The following FAF1 variants were observed in gnomAD, a reference collection of about 807,000 sequenced individuals.
FAF1 encodes Fas associated factor 1.
A neutral mutation model predicts 92.5 loss-of-function variants in FAF1; 25 were observed. The ratio of observed to expected loss-of-function variants is 0.27; its 90% CI spans 0.20 to 0.38. The LOEUF (loss-of-function observed/expected upper bound fraction) is 0.38. FAF1 is among the 10% of genes least tolerant of loss of function. The pLI is 1.00. For synonymous variants in FAF1, 234 were observed against 273.2 expected (o/e 0.86, Z 1.42); for missense variants, 636 against 793.3 (o/e 0.80, Z 2.38).
At chr1:50,764,360 A>G (rs1282088654) in intron 4 of FAF1, among the ~76,000 whole-genome samples, 1 of 152,176 alleles carries the variant, frequency 6.6e-6, no homozygotes, top group Non-Finnish European at 1.5e-5. Flanking sequence ...AGCGTACTCA[A>G]TCGTGTAGAG....
At chr1:50,820,529 T>C (rs1210410426) in intron 2 of FAF1, among the ~76,000 whole-genome samples, 1 of 152,076 alleles carries the variant, frequency 6.6e-6, no homozygotes, top group Non-Finnish European at 1.5e-5. Context: ...ATCTCCTCTC[T>C]TAGCAAATTT....
intron 8 of FAF1, among the ~76,000 whole-genome samples, chr1:50,644,786 G>A (rs1654509108): frequency 6.6e-6 from 1 of 152,202 alleles, no homozygotes; most frequent in South Asian, 2.1e-4. Context: ...TCCCAAAGCA[G>A]TTATCCCTTC....
At chr1:50,592,241 T>C (rs1189329641) in intron 9 of FAF1, among the ~76,000 whole-genome samples, 1 of 152,186 alleles carries the variant, frequency 6.6e-6, no homozygotes, top group East Asian at 1.9e-4. Context: ...ACCATAGTTA[T>C]AAACTGATGC....
chr1:50,466,732 T>C (rs1383225665), intron 18 of FAF1, among the ~76,000 whole-genome samples: 2 of 152,186 alleles, frequency 1.3e-5, no homozygotes, highest in African/African-American at 4.8e-5. Flanking sequence ...GCCAAGCTCC[T>C]TCGCCTGGTA....
chr1:50,919,892 A>G (rs1644949675), intron 1 of FAF1, among the ~76,000 whole-genome samples: 1 of 152,220 alleles, frequency 6.6e-6, no homozygotes, highest in Non-Finnish European at 1.5e-5. Context: ...AAGAAATGTA[A>G]GAAGTATAGC....
chr1:50,667,809 C>T (rs942672276), intron 7 of FAF1, among the ~76,000 whole-genome samples: 13 of 152,298 alleles, frequency 8.5e-5, no homozygotes, highest in South Asian at 2.1e-4. Context: ...ATTGCTTCTA[C>T]AGCAAGCTTC....
intron 1 of FAF1, among the ~76,000 whole-genome samples, chr1:50,907,052 C>A (rs1644845037): frequency 6.6e-6 from 1 of 152,068 alleles, no homozygotes; most frequent in African/African-American, 2.4e-5. Flanking sequence ...GAGATACGTC[C>A]CATCAACACC....
At chr1:50,707,262 C>A (rs1657713410) in intron 6 of FAF1, among the ~76,000 whole-genome samples, 1 of 150,974 alleles carries the variant, frequency 6.6e-6, no homozygotes, top group South Asian at 2.1e-4. Context: ...TCTTCCATAG[C>A]GTTCACAGGT....
chr1:50,596,064 C>G (rs956210839), intron 9 of FAF1, 57 bp downstream of exon 9: 9 of 1,107,998 alleles, frequency 8.1e-6, no homozygotes, highest in Non-Finnish European at 1.2e-5. Context: ...AAGGGAAGTG[C>G]GCAGGTAGGT....
chr1:50,475,779 T>C, intron 17 of FAF1, 100 bp from the exon 18 acceptor site: 2 of 717,166 alleles, frequency 2.8e-6, no homozygotes, highest in Non-Finnish European at 4.5e-6. Context: ...TTCTAGAAAT[T>C]CATTGAAAAG....
At chr1:50,937,109 G>A (rs1377243240) in intron 1 of FAF1, among the ~76,000 whole-genome samples, 1 of 152,048 alleles carries the variant, frequency 6.6e-6, no homozygotes, top group African/African-American at 2.4e-5. Context: ...AGGGAGGTAT[G>A]CCTTACTCAG....
intron 4 of FAF1, among the ~76,000 whole-genome samples, chr1:50,775,290 G>A (rs910157782): frequency 1.3e-5 from 2 of 151,966 alleles, no homozygotes. Context: ...GCACTACTCT[G>A]TGCCAAACAC....
chr1:50,745,785 T>C (rs1187380529), intron 4 of FAF1, among the ~76,000 whole-genome samples: 3 of 152,062 alleles, frequency 2.0e-5, no homozygotes, highest in African/African-American at 4.8e-5. Flanking sequence ...GAAAACAAAC[T>C]AACAGAGAGA....
intron 1 of FAF1, among the ~76,000 whole-genome samples, chr1:50,901,253 T>A (rs1570117713): frequency 6.6e-6 from 1 of 151,882 alleles, no homozygotes; most frequent in East Asian, 1.9e-4. Flanking sequence ...ACAAAAACCA[T>A]CAAAAGAGAA....
chr1:50,890,066 A>G (rs1049639993), intron 1 of FAF1, among the ~76,000 whole-genome samples: 10 of 152,198 alleles, frequency 6.6e-5, no homozygotes, highest in Non-Finnish European at 4.4e-5. Context: ...GGGTGCATGT[A>G]TATTTAGGAT....
chr1:50,883,652 C>T (rs975428192), intron 1 of FAF1, among the ~76,000 whole-genome samples: 4 of 152,152 alleles, frequency 2.6e-5, no homozygotes, highest in Non-Finnish European at 5.9e-5. Context: ...GAGACCTCTT[C>T]CACACTAAAA....
At chr1:50,485,376 C>T (rs1263950473) in intron 17 of FAF1, among the ~76,000 whole-genome samples, 1 of 151,878 alleles carries the variant, frequency 6.6e-6, no homozygotes. Flanking sequence ...CAAAGAACTA[C>T]CTGAGGCTGG....
chr1:50,524,220 C>T (rs878860596), intron 15 of FAF1, among the ~76,000 whole-genome samples: 1 of 152,124 alleles, frequency 6.6e-6, no homozygotes, highest in Non-Finnish European at 1.5e-5. Context: ...TGTTCGTGCC[C>T]TTTGGCCACT....
intron 1 of FAF1, among the ~76,000 whole-genome samples, chr1:50,910,311 G>A (rs1366344783): frequency 1.3e-5 from 2 of 152,232 alleles, no homozygotes; most frequent in Non-Finnish European, 1.5e-5. Context: ...GTGTCTCCCA[G>A]TTAGGCTACT....
Sources: gnomAD v4.1 joint callset for allele counts (sites outside exome capture counted in the v4.1 genomes callset) on GRCh38, gnomAD v4.1.1 for gene constraint, MANE v1.5 for transcripts, NCBI Gene and HGNC (gene_info 2026-07-23, HGNC 2026-07-21) for gene names.